TXLNA: variants seen among roughly 807,000 people sequenced by gnomAD.
TXLNA encodes the protein alpha-taxilin.
A neutral mutation model predicts 61.4 loss-of-function variants in TXLNA; 9 were observed. The observed-to-expected ratio is 0.15, with a 90% CI of 0.09 to 0.26. TXLNA has a LOEUF of 0.26. TXLNA is among the 10% of genes least tolerant of loss of function. TXLNA has a pLI of 1.00. For synonymous variants in TXLNA, 257 were observed against 267.7 expected (o/e 0.96, Z 0.39); for missense variants, 565 against 688.8 (o/e 0.82, Z 2.01).
At chr1:32,183,723 C>T (rs1295249140) in intron 3 of TXLNA, among the ~76,000 whole-genome samples, 5 of 149,376 alleles carry the variant, frequency 3.3e-5, no homozygotes, top group Non-Finnish European at 5.9e-5. Flanking sequence ...AGCCACTGTA[C>T]CCTGCCTTTT....
In TXLNA at chr1:32,197,593, G is replaced by A. The variant is rs996637440; in HGVS notation, c.*2398G>A. ...ATGCAGGGGAGGTGCCTATCCATGAGTGAAGGCCAGTGTCTTCCTCACCTG... is the reference window on the plus strand; with the variant it reads ...ATGCAGGGGAGGTGCCTATCCATGAATGAAGGCCAGTGTCTTCCTCACCTG... On this transcript the variant is annotated 3_prime_UTR_variant, in exon 11 of 11. Transcript: ENST00000373610. The surrounding 1 kb of genome is among the most constrained non-coding windows in gnomAD (Gnocchi z 4.6). 3 of 152,318 alleles carry A rather than the reference G, an allele frequency of 2.0e-5. No individual in the cohort carries two copies. The highest frequency in any genetic ancestry group is 4.4e-5 in the Non-Finnish European group (3 of 68,080). 9.4% of individuals were successfully genotyped at this position (152,318 alleles called of 1,614,324 possible).
At chr1:32,194,305 G>T in intron 10 of TXLNA, 145 bp downstream of exon 10, 1 of 696,398 alleles carries the variant, frequency 1.4e-6, no homozygotes, top group Non-Finnish European at 2.4e-6. Context: ...CAAAGTTAAT[G>T]CTGTTCTCTC....
In TXLNA at chr1:32,184,567, G is replaced by T; in HGVS notation, c.548G>T (p.Ser183Ile). ...CTGATGCAGACATTGAATACTCTGAGTACCCCAGAGGAGAAGCTGGCTGCT... is the reference window on the plus strand; with the variant it reads ...CTGATGCAGACATTGAATACTCTGATTACCCCAGAGGAGAAGCTGGCTGCT... ...TLLMQTLNTL[S>I]TPEEKLAALC... The change falls in exon 4 of 11, where the codon AGT becomes ATT. Residue 183 changes from serine to isoleucine, a missense_variant. Transcript: ENST00000373610. 6.2e-7 allele frequency: 1 copy of T among 1,613,904 alleles called. No individual in the cohort carries two copies. The highest frequency in any genetic ancestry group is 8.5e-7 in the Non-Finnish European group (1 of 1,179,786).
rs1447419954 is a variant in TXLNA at position 32,193,966 on chromosome 1, T to TTCCCCACCTTGGAGACACAGGTGCAG, written c.1252-78_1252-53dup. 17 of 934,610 alleles carry TTCCCCACCTTGGAGACACAGGTGCAG rather than the reference T, an allele frequency of 1.8e-5. No individual in the cohort carries two copies. In the Admixed American group the frequency reaches 3.6e-4, roughly 20 times the overall value. 57.9% of individuals were successfully genotyped at this position (934,610 alleles called of 1,614,324 possible). A position where few individuals can be genotyped will look rare whatever the true frequency, so the allele number is the denominator to read the frequency against. ...ATGCCTTGCGCCTTGGGATCAATCA[T>TTCCCCACCTTGGAGACACAGGTGCAG]TCCCCACCTTGGAGACACAGGTGCA... is the stretch of plus-strand genomic sequence containing the variant. On this transcript the variant is annotated intron_variant, in intron 9 of 10. Transcript: ENST00000373610.
intron 10 of TXLNA, 43 bp from the exon 11 acceptor site, chr1:32,194,859 G>A (rs754848184): frequency 2.6e-6 from 4 of 1,553,028 alleles, no homozygotes; most frequent in Non-Finnish European, 1.7e-6. Flanking sequence ...GTAAGTGGGA[G>A]GTTGATGGGG....
chr1:32,193,342 CT>C, intron 9 of TXLNA, 42 bp downstream of exon 9: 1 of 1,474,722 alleles, frequency 6.8e-7, no homozygotes, highest in Middle Eastern at 1.8e-4. Context: ...GGGGCATAAG[CT>C]GCTTCATTCA....
chr1:32,181,259 G>A lies in TXLNA; in HGVS notation c.187G>A (p.Ala63Thr), dbSNP rs751955872. 1 of 1,595,960 alleles carries A rather than the reference G, an allele frequency of 6.3e-7. No individual in the cohort carries two copies. Among genetic ancestry groups the A allele is most frequent in the Non-Finnish European group, 8.6e-7 (1 of 1,167,084 alleles). Reference protein sequence around the residue: ...RKPEGAQARTAQSGALRDVSE... With the variant: ...RKPEGAQARTTQSGALRDVSE... ...TGCTGTAGGGGCTCAAGCCAGAACG[G>A]CTCAGTCTGGGGCCCTTCGTGATGT... Residue 63 changes from alanine (A) to threonine (T), a missense_variant, in exon 3 of 11, where the codon GCT becomes ACT. Ala to Thr is a moderately conservative substitution (Grantham distance 58). This residue lies in a region of TXLNA where 192 missense variants were observed against 184.8 expected (regional missense o/e 1.04). Transcript: ENST00000373610.
intron 5 of TXLNA, among the ~76,000 whole-genome samples, chr1:32,188,675 A>G (rs1642840998): frequency 6.6e-6 from 1 of 152,106 alleles, no homozygotes; most frequent in Non-Finnish European, 1.5e-5. Flanking sequence ...TGTGGCATAG[A>G]AATACACTTT....
In TXLNA at chr1:32,192,415, G is replaced by T. The variant is rs1456920417; in HGVS notation, c.1068G>T (p.Gln356His). Residue 356 changes from glutamine (Q) to histidine (H), a missense_variant, in exon 7 of 11, where the codon CAG (glutamine) becomes CAT (histidine). By Grantham distance (24) the Gln-to-His change is conservative (BLOSUM62 0). This residue lies in a region of TXLNA where 373 missense variants were observed against 504.0 expected (regional missense o/e 0.74). Transcript: ENST00000373610. This position sits in a 1 kb window ranked among gnomAD's most constrained non-coding sequence, Gnocchi z 4.2. ...TAAAGGAGGCAGAAGAGCGGCACCAGCGGGAGAAGGATTTTGTGAGGCTCA... is the reference window on the plus strand; with the variant it reads ...TAAAGGAGGCAGAAGAGCGGCACCATCGGGAGAAGGATTTTGTGAGGCTCA... ...EMLKEAEERHQREKDFLLKEA... is the reference protein window; with the variant it reads ...EMLKEAEERHHREKDFLLKEA... 2.5e-6 allele frequency: 4 copies of T among 1,613,610 alleles called. No individual in the cohort carries two copies. In the South Asian group the frequency reaches 4.4e-5, roughly 18 times the overall value.
Position 32,195,204 on chromosome 1 carries a change from G to GT in TXLNA, c.*10dup, listed in dbSNP as rs1346928012. 6.4e-7 allele frequency: 1 copy of GT among 1,566,326 alleles called. No homozygotes were observed. The highest frequency in any genetic ancestry group is 8.6e-7 in the Non-Finnish European group (1 of 1,158,942). On this transcript the variant is annotated 3_prime_UTR_variant, in exon 11 of 11. Coordinates refer to ENST00000373610, the MANE Select transcript of TXLNA (RefSeq NM_175852.4). ...CCTCCGCCAGGGCCTAGAGAGCCTG[G>GT]TGTTGGGTCATGCTGGGAAGGGAGC...
In TXLNA at chr1:32,180,308, C is replaced by T. The variant is rs1642624794; in HGVS notation, c.-32-6C>T. On this transcript the variant is annotated splice_region_variant and splice_polypyrimidine_tract_variant and intron_variant, in intron 1 of 10. Coordinates refer to ENST00000373610, the MANE Select transcript of TXLNA (RefSeq NM_175852.4). ...TGGAAAATAGCAACTGTGTTTGTTTCTAAAGGATCTTCTCCTGACCCAGCA... is the reference window on the plus strand; with the variant it reads ...TGGAAAATAGCAACTGTGTTTGTTTTTAAAGGATCTTCTCCTGACCCAGCA... 1 of 1,561,200 alleles carries T rather than the reference C, an allele frequency of 6.4e-7. No individual in the cohort carries two copies. Among genetic ancestry groups the T allele is most frequent in the Non-Finnish European group, 8.6e-7 (1 of 1,156,520 alleles).
At chr1:32,188,909 A>G (rs558311019) in intron 5 of TXLNA, among the ~76,000 whole-genome samples, 15 of 152,280 alleles carry the variant, frequency 9.9e-5, no homozygotes, top group Admixed American at 7.2e-4. Context: ...TGCTGCTTCT[A>G]TGGTGAGGTC....
intron 5 of TXLNA, 96 bp from the exon 6 acceptor site, chr1:32,189,959 A>G: frequency 7.6e-6 from 10 of 1,310,580 alleles, no homozygotes; most frequent in Non-Finnish European, 1.0e-5. Context: ...CTTTGGGAGC[A>G]GGGAGGGCTG....
chr1:32,184,261 C>G (rs1198076818), intron 3 of TXLNA, among the ~76,000 whole-genome samples: 1 of 152,126 alleles, frequency 6.6e-6, no homozygotes, highest in Non-Finnish European at 1.5e-5. Context: ...CCAATGGTGC[C>G]TACTAAGGAG....
chr1:32,185,537 C>A (rs944395240), intron 4 of TXLNA, among the ~76,000 whole-genome samples: 2 of 137,862 alleles, frequency 1.5e-5, no homozygotes, highest in Admixed American at 1.5e-4. Flanking sequence ...GGTCTACAGG[C>A]GCCCGCCACC....
At position 32,196,545 on chromosome 1, in the gene TXLNA, C is replaced by G. The variant is rs189644852; in HGVS notation, c.*1350C>G. On this transcript the variant is annotated 3_prime_UTR_variant, in exon 11 of 11. Transcript: ENST00000373610. ...TTGTTTCTGTGTCCTGTTCTACCCC[C>G]ACTCCAGTACATAACTACTATGTAC... The G allele has an allele frequency of 3.9e-5, 6 of 152,224 alleles. No individual in the cohort carries two copies. The highest frequency in any genetic ancestry group is 3.3e-4 in the Admixed American group (5 of 15,274). The allele number at this position is 152,224 out of a possible 1,614,324, so 9.4% of individuals were successfully genotyped here. A position where few individuals can be genotyped will look rare whatever the true frequency, so the allele number is the denominator to read the frequency against.
In TXLNA at chr1:32,195,479, T is replaced by C; in HGVS notation, c.*284T>C. 1.8e-6 allele frequency: 1 copy of C among 543,536 alleles called. No individual in the cohort carries two copies. The highest frequency in any genetic ancestry group is 3.3e-6 in the Non-Finnish European group (1 of 302,026). The allele number at this position is 543,536 out of a possible 1,614,324, so 33.7% of individuals were successfully genotyped here. On this transcript the variant is annotated 3_prime_UTR_variant, in exon 11 of 11. Coordinates refer to ENST00000373610, the MANE Select transcript of TXLNA (RefSeq NM_175852.4). ...GGCTTGTCTGTGAGCTGAAGAGTCT[T>C]GAGAGGGGCTGTCATCTGTAGCTGC...
In TXLNA at chr1:32,181,272, C is replaced by T; in HGVS notation, c.200C>T (p.Ala67Val). ...CAAGCCAGAACGGCTCAGTCTGGGG[C>T]CCTTCGTGATGTCTCTGAGGAGCTG... Reference protein sequence around the residue: ...GAQARTAQSGALRDVSEELSR... With the variant: ...GAQARTAQSGVLRDVSEELSR... The change falls in exon 3 of 11, where the codon GCC becomes GTC. Residue 67 changes from alanine to valine, a missense_variant. Around this residue, in one of 2 missense-constraint regions of TXLNA, gnomAD observed 192 missense variants for 184.8 expected, o/e 1.04. Transcript: ENST00000373610. 6.2e-7 allele frequency: 1 copy of T among 1,607,034 alleles called. No individual in the cohort carries two copies. Among genetic ancestry groups the T allele is most frequent in the Non-Finnish European group, 8.5e-7 (1 of 1,174,926 alleles).
intron 9 of TXLNA, among the ~76,000 whole-genome samples, chr1:32,193,685 C>T (rs147803525): frequency 1.3e-5 from 2 of 151,940 alleles, no homozygotes; most frequent in African/African-American, 2.4e-5. Flanking sequence ...GAATTACAGG[C>T]GCGTGCCACC....
Sources: gnomAD v4.1 joint callset for allele counts (sites outside exome capture counted in the v4.1 genomes callset) on GRCh38, gnomAD v4.1.1 for gene constraint, gnomAD v4.1.1 regional missense constraint, Gnocchi (gnomAD v3.1) non-coding constraint, MANE v1.5 for transcripts, NCBI Gene and HGNC (gene_info 2026-07-23, HGNC 2026-07-21) for gene names.